The following RARA variants were observed in gnomAD, a reference collection of about 807,000 sequenced individuals.
RARA encodes the protein PML-DDX5-RARA fusion.
Under a neutral mutation model 42.8 loss-of-function variants are expected in RARA, and 5 were observed. The observed-to-expected ratio is 0.12, with a 90% CI of 0.06 to 0.25. The LOEUF (loss-of-function observed/expected upper bound fraction) is 0.25, where lower values mean the gene tolerates loss of function less well. Ranked by LOEUF, RARA falls within the 10% of genes least tolerant of loss-of-function variation. The pLI, the probability that RARA is intolerant of heterozygous loss-of-function variation, is 1.00. For missense variants in RARA, 402 were observed against 628.7 expected, an observed-to-expected ratio of 0.64 and a Z score of 3.86; for synonymous variants, 256 against 259.5, an observed-to-expected ratio of 0.99 and a Z score of 0.13.
chr17:40,312,028 T>G (rs1305892919), intron 1 of RARA, among the ~76,000 whole-genome samples: 1 of 152,218 alleles, frequency 6.6e-6, no homozygotes, highest in Non-Finnish European at 1.5e-5. Flanking sequence ...AATCCCTGGT[T>G]TTGGGGAGCA....
rs923735970 is a variant in RARA, at chr17:40,309,211, C to T, written c.-438C>T. 21 of 152,538 alleles carry T rather than the reference C, an allele frequency of 1.4e-4. No homozygotes were observed. The highest frequency in any genetic ancestry group is 5.0e-4 in the African/African-American group (21 of 41,596). The allele number at this position is 152,538 out of a possible 1,614,324, so 9.4% of individuals were successfully genotyped here. A position where few individuals can be genotyped will look rare whatever the true frequency, so the allele number is the denominator to read the frequency against. ...GCCTAACCCAGAAGCAGGGGGGAAT[C>T]CTGAATCGAGCTGAGAGGGCTTCCC... is the stretch of plus-strand genomic sequence containing the variant. On this transcript the variant is annotated 5_prime_UTR_variant, in exon 1 of 9. Transcript: ENST00000254066.
At chr17:40,339,879 A>G (rs927907549) in intron 2 of RARA, among the ~76,000 whole-genome samples, 1 of 152,160 alleles carries the variant, frequency 6.6e-6, no homozygotes, top group African/African-American at 2.4e-5. Flanking sequence ...ATCATTTGAA[A>G]GATCCCGAAG....
chr17:40,321,364 C>T (rs2033373384), intron 1 of RARA, among the ~76,000 whole-genome samples: 1 of 151,984 alleles, frequency 6.6e-6, no homozygotes, highest in South Asian at 2.1e-4. Context: ...GCTGGGACCG[C>T]CTGCTTGCTT....
chr17:40,341,971 C>G lies in RARA; in HGVS notation c.179-6345C>G, dbSNP rs1293335068. ...CCTTCCTGCTTCTCTCCTCTCCTCC[C>G]CCTTCCCAGGCTGCCCCCACTTGCC... On this transcript the variant is annotated intron_variant, in intron 2 of 8. Transcript: ENST00000254066. 1.3e-5 allele frequency: 15 copies of G among 1,128,370 alleles called. No individual in the cohort carries two copies. The East Asian group carries it at 6.4e-4, about 49-fold the overall frequency. The allele number at this position is 1,128,370 out of a possible 1,614,324, so 69.9% of individuals were successfully genotyped here.
rs1598583773 is a variant in RARA, at chr17:40,351,567, A to AGAG, written c.470-338_470-336dup. The AGAG allele has an allele frequency of 2.1e-6, 1 of 472,710 alleles. No individual in the cohort carries two copies. 29.3% of individuals were successfully genotyped at this position (472,710 alleles called of 1,614,324 possible). The stretch of plus-strand genomic sequence containing the variant: ...GCGGGAGAAGGACCTTCCTGGGGAA[A>AGAG]GAGGAGGCAGAGCACCTAGGAGGGC... On this transcript the variant is annotated intron_variant, in intron 4 of 8. Transcript: ENST00000254066. The surrounding 1 kb of genome is among the most constrained non-coding windows in gnomAD (Gnocchi z 4.1).
chr17:40,325,839 A>G (rs910311721), intron 1 of RARA, among the ~76,000 whole-genome samples: 35 of 151,994 alleles, frequency 2.3e-4, no homozygotes, highest in Admixed American at 1.9e-3. Context: ...TTTGGGGGAG[A>G]CTGGAGAACA....
At chr17:40,342,493 A>G (rs2034097088) in intron 2 of RARA, 1 of 1,303,110 alleles carries the variant, frequency 7.7e-7, no homozygotes, top group Non-Finnish European at 9.8e-7. Flanking sequence ...AGCACACACA[A>G]CTTCCCTGCT....
chr17:40,336,667 C>T (rs528045254), intron 2 of RARA, among the ~76,000 whole-genome samples: 2 of 151,872 alleles, frequency 1.3e-5, no homozygotes, highest in African/African-American at 4.8e-5. Context: ...GGATTACAGG[C>T]ATGAGCCACC....
At chr17:40,315,769 G>T (rs1323155611) in intron 1 of RARA, among the ~76,000 whole-genome samples, 3 of 152,148 alleles carry the variant, frequency 2.0e-5, no homozygotes, top group Non-Finnish European at 4.4e-5. Context: ...CACTGGCCCT[G>T]GTACCTGTCC....
rs1567768392 is a variant in RARA at position 40,356,429 on chromosome 17, G to T, written c.*203G>T. ...CCTCAGTGGACTGCCTGCTCCCACA[G>T]CCTGGGCTGACGTCAGAGGCCGAGG... On this transcript the variant is annotated 3_prime_UTR_variant, in exon 9 of 9. Transcript: ENST00000254066. 3 of 731,280 alleles carry T rather than the reference G, an allele frequency of 4.1e-6. No individual in the cohort carries two copies. The highest frequency in any genetic ancestry group is 7.3e-6 in the Non-Finnish European group (3 of 413,056). The allele number at this position is 731,280 out of a possible 1,614,324, so 45.3% of individuals were successfully genotyped here. A position where few individuals can be genotyped will look rare whatever the true frequency, so the allele number is the denominator to read the frequency against.
chr17:40,344,763 C>T (rs898221834), intron 2 of RARA, among the ~76,000 whole-genome samples: 1 of 152,140 alleles, frequency 6.6e-6, no homozygotes, highest in Non-Finnish European at 1.5e-5. Context: ...TCAGTGGACT[C>T]GGGTCCTGAG....
chr17:40,324,368 C>A (rs955728615), intron 1 of RARA, among the ~76,000 whole-genome samples: 1 of 151,958 alleles, frequency 6.6e-6, no homozygotes, highest in African/African-American at 2.4e-5. Context: ...TTCACCTACT[C>A]GTTGCTTGGA....
chr17:40,354,439 G>A lies in RARA; in HGVS notation c.945G>A (p.Gln315=), dbSNP rs368477125. ...LTDLVFAFAN[Q]LLPLEMDDAE... ...ACCTGGTCTTTGCCTTCGCCAACCA[G>A]CTGCTGCCCCTGGAGATGGATGATG... The change falls in exon 7 of 9, where the codon CAG becomes CAA. Residue 315 remains glutamine, a synonymous_variant. Transcript: ENST00000254066. The surrounding 1 kb of genome is among the most constrained non-coding windows in gnomAD (Gnocchi z 4.5). 2 of 1,614,014 alleles carry A rather than the reference G, an allele frequency of 1.2e-6. No homozygotes were observed. The highest frequency in any genetic ancestry group is 1.7e-6 in the Non-Finnish European group (2 of 1,180,034).
chr17:40,341,873 C>T (rs1337628834), intron 2 of RARA: 1 of 1,025,266 alleles, frequency 9.8e-7, no homozygotes, highest in Non-Finnish European at 1.3e-6. Flanking sequence ...TCCTTGTCCC[C>T]TCGCAGCCCC....
At chr17:40,341,498 T>C (rs755230002) in intron 2 of RARA, 3 of 1,490,634 alleles carry the variant, frequency 2.0e-6, no homozygotes, top group African/African-American at 2.9e-5. Flanking sequence ...GACCCGGCCC[T>C]ACGCCTCCTG....
Position 40,353,247 on chromosome 17 carries a change from C to T in RARA, c.807+740C>T, listed in dbSNP as rs1299264639. ...TGAGCTCAGGGGACTGCCGGGCACT[C>T]GGTGAGGTGAGCCCGAGGGTAGACT... On this transcript the variant is annotated intron_variant, in intron 6 of 8. Coordinates refer to ENST00000254066, the MANE Select transcript of RARA (RefSeq NM_000964.4). Among the ~76,000 whole-genome samples, 6 of 150,592 alleles carry T rather than the reference C, an allele frequency of 4.0e-5. No individual in the cohort carries two copies. In the East Asian group the frequency reaches 6.0e-4, roughly 15 times the overall value.
intron 1 of RARA, among the ~76,000 whole-genome samples, chr17:40,314,874 G>T (rs1031064299): frequency 6.6e-6 from 1 of 151,852 alleles, no homozygotes; most frequent in African/African-American, 2.4e-5. Context: ...TTGTGGTGGG[G>T]GTGGAGGGCT....
chr17:40,327,415 G>A (rs1239570864), intron 1 of RARA, among the ~76,000 whole-genome samples: 2 of 152,216 alleles, frequency 1.3e-5, no homozygotes. Context: ...TCACCTGAGT[G>A]TTTGTGGACC....
At chr17:40,319,761 C>T (rs986382997) in intron 1 of RARA, among the ~76,000 whole-genome samples, 2 of 146,184 alleles carry the variant, frequency 1.4e-5, no homozygotes, top group East Asian at 2.2e-4. Flanking sequence ...GAGGCTGTGC[C>T]GGGGAAGCCC....
Sources: allele counts gnomAD v4.1 joint callset (sites outside exome capture counted in the v4.1 genomes callset), GRCh38; gene constraint gnomAD v4.1.1; non-coding constraint Gnocchi (gnomAD v3.1); transcripts MANE v1.5; gene names NCBI Gene and HGNC (gene_info 2026-07-23, HGNC 2026-07-21).